The following RELN variants were observed in gnomAD, a reference collection of about 807,000 sequenced individuals.
RELN encodes the protein reelin.
RELN carries 108 observed loss-of-function variants against 427.6 expected under a neutral mutation model. The ratio of observed to expected loss-of-function variants is 0.25; its 90% CI spans 0.22 to 0.30. The LOEUF (loss-of-function observed/expected upper bound fraction) is 0.30, where lower values mean the gene tolerates loss of function less well. Ranked by LOEUF, RELN falls within the 10% of genes least tolerant of loss-of-function variation. RELN has a pLI of 1.00. For missense variants in RELN, 3,715 were observed against 4,302.8 expected, an observed-to-expected ratio of 0.86 and a Z score of 3.82; for synonymous variants, 1,524 against 1,513.4, an observed-to-expected ratio of 1.01 and a Z score of -0.16.
chr7:103,670,375 A>G (rs1364795389), intron 11 of RELN, among the ~76,000 whole-genome samples: 3 of 152,134 alleles, frequency 2.0e-5, no homozygotes, highest in Non-Finnish European at 2.9e-5. Flanking sequence ...AACGTTTACT[A>G]CAATATTCTT....
chr7:103,870,537 C>T (rs371258535), intron 2 of RELN, among the ~76,000 whole-genome samples: 29 of 152,064 alleles, frequency 1.9e-4, no homozygotes, highest in East Asian at 7.7e-4. Context: ...TTGAGGATCT[C>T]TATCAAGTAC....
At chr7:103,902,465 C>G (rs948969394) in intron 2 of RELN, among the ~76,000 whole-genome samples, 1 of 151,860 alleles carries the variant, frequency 6.6e-6, no homozygotes, top group African/African-American at 2.4e-5. Flanking sequence ...GAAAGAGAAC[C>G]GGAAATAACA....
chr7:103,828,357 C>T (rs1793192329), intron 3 of RELN, among the ~76,000 whole-genome samples: 1 of 151,374 alleles, frequency 6.6e-6, no homozygotes, highest in Non-Finnish European at 1.5e-5. Context: ...CTAGGAGATA[C>T]TTCCTTTAAC....
At position 103,594,415 on chromosome 7, in the gene RELN, C is replaced by T. The variant is rs866737719; in HGVS notation, c.3617G>A (p.Gly1206Glu). 1 of 1,613,940 alleles carries T rather than the reference C, an allele frequency of 6.2e-7. No homozygotes were observed. Among genetic ancestry groups the T allele is most frequent in the African/African-American group, 1.3e-5 (1 of 74,918 alleles). The change falls in exon 26 of 65, where the codon GGG (glycine) becomes GAG (glutamate). Residue 1206 changes from glycine (G) to glutamate (E), a missense_variant. This residue lies in a region of RELN where 2,208 missense variants were observed against 2,361.7 expected (regional missense o/e 0.93). Coordinates refer to ENST00000428762, the MANE Select transcript of RELN (RefSeq NM_005045.4). ...GACTGCCCACTGGTCATAGTCCTCC[C>T]CTGAGAACACGGGCTGCCACCAGCG... ...RFRWWQPVFS[G>E]EDYDQWAVDD...
chr7:103,670,536 C>T (rs956269429), intron 11 of RELN, among the ~76,000 whole-genome samples: 8 of 98,936 alleles, frequency 8.1e-5, no homozygotes, highest in Non-Finnish European at 1.4e-4. Flanking sequence ...TAGTGTTTTG[C>T]GGGTTTTTTT....
At chr7:103,604,969 G>T (rs1319716223) in intron 22 of RELN, among the ~76,000 whole-genome samples, 1 of 151,738 alleles carries the variant, frequency 6.6e-6, no homozygotes, top group Non-Finnish European at 1.5e-5. Context: ...AGCTGGGATT[G>T]CAGGCACACA....
At chr7:103,883,282 T>A (rs1794648992) in intron 2 of RELN, among the ~76,000 whole-genome samples, 1 of 152,186 alleles carries the variant, frequency 6.6e-6, no homozygotes, top group Admixed American at 6.5e-5. Context: ...GGAACATATC[T>A]CAAAATAATA....
chr7:103,500,941 C>T lies in RELN; in HGVS notation c.8490-19G>A. ...TACCGGACTATTGACAATGCAAAAG[C>T]AAAGGAGTGAAAAACAAAAGTTAAC... is the stretch of plus-strand genomic sequence containing the variant. On this transcript the variant is annotated intron_variant, in intron 52 of 64. Transcript: ENST00000428762. The T allele has an allele frequency of 6.2e-7, 1 of 1,613,454 alleles. No homozygotes were observed. The highest frequency in any genetic ancestry group is 8.5e-7 in the Non-Finnish European group (1 of 1,179,520).
At chr7:103,812,809 T>C (rs1003748150) in intron 3 of RELN, among the ~76,000 whole-genome samples, 3 of 152,214 alleles carry the variant, frequency 2.0e-5, no homozygotes, top group Non-Finnish European at 4.4e-5. Flanking sequence ...CTATATTCCA[T>C]TTCAAGCTTC....
intron 29 of RELN, 55 bp from the exon 30 acceptor site, chr7:103,574,354 G>T: frequency 6.8e-7 from 1 of 1,473,944 alleles, no homozygotes; most frequent in Non-Finnish European, 9.5e-7. Flanking sequence ...TTCAAAACGA[G>T]GTCTATTCAA....
intron 2 of RELN, among the ~76,000 whole-genome samples, chr7:103,840,542 A>G (rs1042930843): frequency 6.6e-6 from 1 of 152,206 alleles, no homozygotes; most frequent in African/African-American, 2.4e-5. Context: ...TATTTAAATG[A>G]ATACAAGAAA....
intron 2 of RELN, among the ~76,000 whole-genome samples, chr7:103,912,171 T>C (rs1167097861): frequency 6.6e-6 from 1 of 151,184 alleles, no homozygotes; most frequent in African/African-American, 2.4e-5. Context: ...CCCCCCCAAC[T>C]TGGATTTAAT....
intron 21 of RELN, among the ~76,000 whole-genome samples, chr7:103,611,390 T>A (rs1831951231): frequency 2.0e-5 from 3 of 152,232 alleles, no homozygotes; most frequent in Non-Finnish European, 4.4e-5. Context: ...TATTTTCATT[T>A]CTTTTTTATT....
rs567083675 is a variant in RELN at position 103,751,763 on chromosome 7, A to C, written c.577+1419T>G. 3.0e-4 allele frequency among the ~76,000 whole-genome samples: 46 copies of C among 152,348 alleles called. 1 individual carries two copies. The highest frequency in any genetic ancestry group is 5.3e-4 in the Non-Finnish European group (36 of 68,038). On this transcript the variant is annotated intron_variant, in intron 5 of 64. Transcript: ENST00000428762. ...GGAGCCCCAAGCTGTAGCATTACAT[A>C]AAAGTAGAGCTTCTCAAGGCAGATT...
chr7:103,603,187 T>C lies in RELN; in HGVS notation c.3333+117A>G. On this transcript the variant is annotated intron_variant, in intron 24 of 64. Coordinates refer to ENST00000428762, the MANE Select transcript of RELN (RefSeq NM_005045.4). This position sits in a 1 kb window ranked among gnomAD's most constrained non-coding sequence, Gnocchi z 4.3. ...GGAATAGGAATTTGATAGAGCCCACTCAAAAGCGGGGAACGTGGGGAACAA... is the reference window on the plus strand; with the variant it reads ...GGAATAGGAATTTGATAGAGCCCACCCAAAAGCGGGGAACGTGGGGAACAA... 3 of 863,842 alleles carry C rather than the reference T, an allele frequency of 3.5e-6. No individual in the cohort carries two copies. Among genetic ancestry groups the C allele is most frequent in the Non-Finnish European group, 5.9e-6 (3 of 507,364 alleles). 53.5% of individuals were successfully genotyped at this position (863,842 alleles called of 1,614,324 possible).
intron 2 of RELN, among the ~76,000 whole-genome samples, chr7:103,875,495 A>G (rs1794457577): frequency 6.6e-6 from 1 of 152,144 alleles, no homozygotes; most frequent in Non-Finnish European, 1.5e-5. Context: ...AACAGACTAC[A>G]TTTTTGAAAT....
At chr7:103,905,490 T>C (rs562585313) in intron 2 of RELN, among the ~76,000 whole-genome samples, 1 of 152,058 alleles carries the variant, frequency 6.6e-6, no homozygotes, top group Non-Finnish European at 1.5e-5. Context: ...TTTAGAAATA[T>C]CCTCAAACTT....
chr7:103,981,012 C>T (rs951421988), intron 1 of RELN, among the ~76,000 whole-genome samples: 1 of 152,162 alleles, frequency 6.6e-6, no homozygotes, highest in African/African-American at 2.4e-5. Context: ...TCTCAACATT[C>T]ACAACAAAGG....
At chr7:103,553,059 C>A (rs947932666) in intron 40 of RELN, among the ~76,000 whole-genome samples, 1 of 151,924 alleles carries the variant, frequency 6.6e-6, no homozygotes, top group African/African-American at 2.4e-5. Flanking sequence ...AAATTAATAA[C>A]ATCATGACAA....
Sources: allele counts gnomAD v4.1 joint callset (sites outside exome capture counted in the v4.1 genomes callset), GRCh38; gene constraint gnomAD v4.1.1; regional missense constraint gnomAD v4.1.1; non-coding constraint Gnocchi (gnomAD v3.1); transcripts MANE v1.5; gene names NCBI Gene and HGNC (gene_info 2026-07-23, HGNC 2026-07-21).